Variants in UGGT2 observed in about 807,000 individuals in gnomAD.
UGGT2 encodes the protein UDP-glucose:glycoprotein glucosyltransferase 2.
In UGGT2, 180 loss-of-function variants were observed where a neutral mutation model predicts 192.1. That is an observed-to-expected ratio of 0.94 (90% CI 0.83 to 1.06). UGGT2 has a LOEUF of 1.06. UGGT2 is among the 50% of genes least tolerant of loss of function. The pLI, the probability that UGGT2 is intolerant of heterozygous loss-of-function variation, is 0.00. For synonymous variants in UGGT2, 580 were observed against 591.0 expected, an observed-to-expected ratio of 0.98 and a Z score of 0.27; for missense variants, 1,849 against 1,795.7, an observed-to-expected ratio of 1.03 and a Z score of -0.54.
In UGGT2 at chr13:95,972,148, T is replaced by C. The variant is rs868040410; in HGVS notation, c.1184+432A>G. ...AAAATTTTGAAGAATTTTTTTTTTTTTTTTTGACAAGAAACCAGATAGCAT... is the reference window on the plus strand; with the variant it reads ...AAAATTTTGAAGAATTTTTTTTTTTCTTTTTGACAAGAAACCAGATAGCAT... On this transcript the variant is annotated intron_variant, in intron 11 of 38. Transcript: ENST00000376747. Among the ~76,000 whole-genome samples the C allele has an allele frequency of 5.2e-3, 793 of 152,140 alleles. 12 individuals carry two copies. Among genetic ancestry groups the C allele is most frequent in the African/African-American group, 0.018 (759 of 41,538 alleles).
intron 36 of UGGT2, among the ~76,000 whole-genome samples, chr13:95,846,912 A>C (rs1301786723): frequency 6.7e-6 from 1 of 148,678 alleles, no homozygotes; most frequent in Non-Finnish European, 1.5e-5. Context: ...CATGTCTCAC[A>C]TTTCTATATT....
chr13:95,805,017 A>C (rs925237790), intron 38 of UGGT2, among the ~76,000 whole-genome samples: 3 of 152,144 alleles, frequency 2.0e-5, no homozygotes, highest in Admixed American at 6.5e-5. Context: ...AAATAAGAGA[A>C]AATATCTGCA....
At chr13:95,965,444 A>G (rs1045389271) in intron 12 of UGGT2, among the ~76,000 whole-genome samples, 2 of 151,942 alleles carry the variant, frequency 1.3e-5, no homozygotes, top group Non-Finnish European at 2.9e-5. Flanking sequence ...CTTTGTAGGG[A>G]CATGGATGAA....
intron 20 of UGGT2, among the ~76,000 whole-genome samples, chr13:95,914,414 G>C (rs1392476346): frequency 6.6e-6 from 1 of 151,978 alleles, no homozygotes; most frequent in East Asian, 1.9e-4. Context: ...CCTTGGACAA[G>C]TGAAAAGTTA....
intron 8 of UGGT2, 66 bp from the exon 9 acceptor site, chr13:95,986,498 A>G: frequency 2.6e-6 from 3 of 1,163,080 alleles, no homozygotes; most frequent in Non-Finnish European, 3.7e-6. Context: ...TTTCCATGAA[A>G]TTGAAATACT....
At chr13:95,930,391 T>C (rs980234867) in intron 17 of UGGT2, among the ~76,000 whole-genome samples, 1 of 151,570 alleles carries the variant, frequency 6.6e-6, no homozygotes, top group Non-Finnish European at 1.5e-5. Context: ...AGAATTCTTA[T>C]AGTTTTAAGT....
chr13:95,975,317 C>T (rs1181707933), intron 10 of UGGT2, among the ~76,000 whole-genome samples: 1 of 152,038 alleles, frequency 6.6e-6, no homozygotes, highest in Admixed American at 6.5e-5. Flanking sequence ...CTTATGCACA[C>T]ATAAAGTGCT....
At chr13:95,942,230 GTGTGTGTGT>G (rs1566734936) in intron 15 of UGGT2, among the ~76,000 whole-genome samples, 665 of 47,122 alleles carry the variant, frequency 0.014, 5 homozygotes, top group African/African-American at 0.033. Context: ...GGGTGTGTGT[GTGTGTGTGT>G]GTGTGTGTGT....
chr13:95,877,952 T>G, intron 27 of UGGT2, 96 bp from the exon 28 acceptor site: 41 of 1,191,500 alleles, frequency 3.4e-5, no homozygotes, highest in Non-Finnish European at 4.4e-5. Context: ...TATTGGCCAA[T>G]GTATTTTGGT....
chr13:95,806,051 A>C (rs1169377901), intron 38 of UGGT2, among the ~76,000 whole-genome samples: 14 of 151,374 alleles, frequency 9.2e-5, no homozygotes, highest in Middle Eastern at 3.5e-3. Context: ...AAAAAAAAAA[A>C]ACACACAGTG....
intron 10 of UGGT2, among the ~76,000 whole-genome samples, chr13:95,976,971 T>C (rs186616481): frequency 1.8e-4 from 27 of 152,298 alleles, no homozygotes; most frequent in Middle Eastern, 3.4e-3. Flanking sequence ...ATTTAATAAA[T>C]GGTGCTAGGA....
At chr13:95,946,919 T>A in intron 15 of UGGT2, 118 bp downstream of exon 15, 1 of 1,127,578 alleles carries the variant, frequency 8.9e-7, no homozygotes, top group Non-Finnish European at 1.2e-6. Context: ...TGACAGTTTA[T>A]AAACTTTGAA....
intron 38 of UGGT2, 60 bp downstream of exon 38, chr13:95,832,867 C>G: frequency 3.8e-6 from 6 of 1,583,628 alleles, no homozygotes; most frequent in Non-Finnish European, 4.3e-6. Context: ...AGTCTGTAGT[C>G]TATTCTAATC....
At chr13:96,050,551 G>A (rs112872668) in intron 1 of UGGT2, among the ~76,000 whole-genome samples, 3 of 151,944 alleles carry the variant, frequency 2.0e-5, no homozygotes, top group Non-Finnish European at 2.9e-5. Flanking sequence ...GCAACCTACA[G>A]AATGGGAGAA....
intron 4 of UGGT2, among the ~76,000 whole-genome samples, chr13:96,018,714 T>C (rs7990476): frequency 6.7e-6 from 1 of 149,404 alleles, no homozygotes. Flanking sequence ...AAAGGCAACA[T>C]TGATGACCTA....
intron 36 of UGGT2, among the ~76,000 whole-genome samples, chr13:95,838,172 A>G (rs1411734399): frequency 1.3e-5 from 2 of 152,214 alleles, no homozygotes; most frequent in Non-Finnish European, 2.9e-5. Context: ...ATGAACAAAC[A>G]TAATTTGAAA....
chr13:95,928,026 T>G (rs1001028692), intron 17 of UGGT2, among the ~76,000 whole-genome samples: 1 of 152,220 alleles, frequency 6.6e-6, no homozygotes, highest in Non-Finnish European at 1.5e-5. Context: ...AGAATTTTTC[T>G]TAGTACAGAA....
intron 20 of UGGT2, among the ~76,000 whole-genome samples, chr13:95,905,282 C>G (rs996702248): frequency 3.1e-4 from 45 of 147,290 alleles, no homozygotes; most frequent in Non-Finnish European, 5.6e-4. Context: ...TTTTGCTGTG[C>G]AGAAGCTCTT....
chr13:96,008,248 C>T (rs551244716), intron 5 of UGGT2, among the ~76,000 whole-genome samples: 27 of 152,162 alleles, frequency 1.8e-4, no homozygotes, highest in Admixed American at 1.3e-3. Flanking sequence ...CAGTGAAGAG[C>T]CAATCCACAG....
Sources: allele counts gnomAD v4.1 joint callset (sites outside exome capture counted in the v4.1 genomes callset), GRCh38; gene constraint gnomAD v4.1.1; transcripts MANE v1.5; gene names NCBI Gene and HGNC (gene_info 2026-07-23, HGNC 2026-07-21).